PLBD1: variants seen among roughly 807,000 people sequenced by gnomAD.
The protein encoded by PLBD1 is lysosomal leucine aminopeptidase.
A neutral mutation model predicts 63.0 loss-of-function variants in PLBD1; 60 were observed. That is an observed-to-expected ratio of 0.95 (90% confidence interval 0.77 to 1.18). PLBD1 has a LOEUF of 1.18. Ranked by LOEUF, PLBD1 falls within the 50% of genes most tolerant of loss-of-function variation. The pLI is 0.00. For missense variants in PLBD1, 598 were observed against 677.9 expected (o/e 0.88, Z 1.31); for synonymous variants, 262 against 248.0 (o/e 1.06, Z -0.53).
chr12:14,514,833 A>T (rs1043078029), intron 6 of PLBD1, among the ~76,000 whole-genome samples: 2 of 151,582 alleles, frequency 1.3e-5, no homozygotes, highest in African/African-American at 4.9e-5. Flanking sequence ...TTGGCCTCCC[A>T]AAGTGCTGGG....
chr12:14,549,804 AT>A (rs1270756690), intron 2 of PLBD1, among the ~76,000 whole-genome samples: 1 of 152,044 alleles, frequency 6.6e-6, no homozygotes, highest in African/African-American at 2.4e-5. Context: ...AGTAGCTGGG[AT>A]TACAGATGCA....
intron 2 of PLBD1, among the ~76,000 whole-genome samples, chr12:14,547,265 G>A (rs1254781832): frequency 6.6e-6 from 1 of 151,514 alleles, no homozygotes; most frequent in Non-Finnish European, 1.5e-5. Flanking sequence ...CAAGGGGAGA[G>A]AAACCTCCAC....
At chr12:14,511,760 T>C (rs1262760010) in intron 6 of PLBD1, 49 bp from the exon 7 acceptor site, 1 of 1,522,460 alleles carries the variant, frequency 6.6e-7, no homozygotes, top group South Asian at 1.1e-5. Flanking sequence ...CATGGAACAG[T>C]GAACCATCAT....
At chr12:14,561,691 A>G (rs1945743085) in intron 1 of PLBD1, among the ~76,000 whole-genome samples, 1 of 152,152 alleles carries the variant, frequency 6.6e-6, no homozygotes, top group Admixed American at 6.5e-5. Flanking sequence ...AGTAGCTGGG[A>G]TCACAAGCGT....
chr12:14,507,209 T>C lies in PLBD1; in HGVS notation c.1187-91A>G, dbSNP rs191610338. On this transcript the variant is annotated intron_variant, in intron 8 of 10. Coordinates refer to ENST00000240617, the MANE Select transcript of PLBD1 (RefSeq NM_024829.6). ...GCAAAAGAAATGTTATCCATGTTCATTTATTTTGAAAATGGGCACAGGCAT... is the reference window on the plus strand; with the variant it reads ...GCAAAAGAAATGTTATCCATGTTCACTTATTTTGAAAATGGGCACAGGCAT... 59 of 1,033,018 alleles carry C rather than the reference T, an allele frequency of 5.7e-5. No homozygotes were observed. In the African/African-American group the frequency reaches 8.8e-4, roughly 15 times the overall value. 64.0% of individuals were successfully genotyped at this position (1,033,018 alleles called of 1,614,324 possible).
rs764333287 is a variant in PLBD1 at position 14,503,781 on chromosome 12, A to T, written c.1653T>A (p.Asp551Glu). 5 of 1,612,432 alleles carry T rather than the reference A, an allele frequency of 3.1e-6. No homozygotes were observed. The highest frequency in any genetic ancestry group is 4.2e-6 in the Non-Finnish European group (5 of 1,178,580). ...FITMKPILKLDIK is the reference protein window; with the variant it reads ...FITMKPILKLEIK The stretch of plus-strand genomic sequence containing the variant: ...CCGTCATCTCCCTCCTTCATTTTAT[A>T]TCAAGTTTCAAAATTGGTTTCATGG... Residue 551 changes from aspartate (D) to glutamate (E), a missense_variant, in exon 11 of 11, where the codon GAT (aspartate) becomes GAA (glutamate). By Grantham distance (45) the Asp-to-Glu change is conservative. Transcript: ENST00000240617.
intron 2 of PLBD1, among the ~76,000 whole-genome samples, chr12:14,552,861 T>C (rs1176623850): frequency 6.6e-6 from 1 of 152,184 alleles, no homozygotes; most frequent in Non-Finnish European, 1.5e-5. Context: ...GTACTGATTA[T>C]GGGAGCAAAT....
intron 1 of PLBD1, among the ~76,000 whole-genome samples, chr12:14,564,176 A>C (rs1387781248): frequency 6.6e-6 from 1 of 152,146 alleles, no homozygotes; most frequent in Non-Finnish European, 1.5e-5. Context: ...ATTGTACTCC[A>C]GCCTGGGTGA....
At chr12:14,554,306 G>C (rs950169248) in intron 1 of PLBD1, 1 of 151,978 alleles carries the variant, frequency 6.6e-6, no homozygotes, top group Non-Finnish European at 1.5e-5. Context: ...GTTCTATCTT[G>C]TATCCTCTCG....
chr12:14,550,305 C>T (rs73062605), intron 2 of PLBD1, among the ~76,000 whole-genome samples: 3,974 of 152,322 alleles, frequency 0.026, 73 homozygotes, highest in Middle Eastern at 0.068. Flanking sequence ...TGCCCCACTC[C>T]TGATCATTTG....
intron 2 of PLBD1, among the ~76,000 whole-genome samples, chr12:14,552,553 G>C (rs1429464400): frequency 6.6e-6 from 1 of 152,048 alleles, no homozygotes; most frequent in Non-Finnish European, 1.5e-5. Context: ...CCTCTCATTT[G>C]CTTTCTACCA....
At chr12:14,551,993 G>C (rs1274295800) in intron 2 of PLBD1, among the ~76,000 whole-genome samples, 1 of 152,052 alleles carries the variant, frequency 6.6e-6, no homozygotes, top group Non-Finnish European at 1.5e-5. Context: ...TAAAAAAATT[G>C]GGTATAAAAA....
At chr12:14,518,853 T>C (rs537763338) in intron 6 of PLBD1, among the ~76,000 whole-genome samples, 1 of 152,084 alleles carries the variant, frequency 6.6e-6, no homozygotes, top group Non-Finnish European at 1.5e-5. Context: ...TTACTTGGCC[T>C]GAAGGTTAGT....
At chr12:14,547,730 G>T (rs945867447) in intron 2 of PLBD1, among the ~76,000 whole-genome samples, 1 of 152,140 alleles carries the variant, frequency 6.6e-6, no homozygotes, top group Admixed American at 6.5e-5. Context: ...CTTTTTGCAT[G>T]ATGGCAATAA....
intron 1 of PLBD1, among the ~76,000 whole-genome samples, chr12:14,561,342 A>G (rs1945741089): frequency 6.6e-6 from 1 of 151,990 alleles, no homozygotes; most frequent in African/African-American, 2.4e-5. Context: ...CAAAAGCCCT[A>G]TCAGCTGAAA....
At chr12:14,515,431 G>C (rs114269854) in intron 6 of PLBD1, among the ~76,000 whole-genome samples, 2,831 of 151,818 alleles carry the variant, frequency 0.019, 59 homozygotes, top group African/African-American at 0.047. Flanking sequence ...GAAATTAAGT[G>C]CTGCAAAATC....
intron 1 of PLBD1, among the ~76,000 whole-genome samples, chr12:14,554,779 G>A (rs1285626659): frequency 1.3e-5 from 2 of 151,656 alleles, no homozygotes; most frequent in Non-Finnish European, 2.9e-5. Context: ...TTCCTTCCAC[G>A]GCCTTTGGGA....
Position 14,507,130 on chromosome 12 carries a change from T to C in PLBD1, c.1187-12A>G, listed in dbSNP as rs1363169959. ...GGAGGGCCAATATCCTGATTTGGAATGGAAGGGAAGTAAGGGAGGGATTGA... is the reference window on the plus strand; with the variant it reads ...GGAGGGCCAATATCCTGATTTGGAACGGAAGGGAAGTAAGGGAGGGATTGA... On this transcript the variant is annotated splice_polypyrimidine_tract_variant and intron_variant, in intron 8 of 10. Transcript: ENST00000240617. 4 of 1,578,860 alleles carry C rather than the reference T, an allele frequency of 2.5e-6. No individual in the cohort carries two copies. The highest frequency in any genetic ancestry group is 1.7e-5 in the Admixed American group (1 of 58,898).
intron 6 of PLBD1, among the ~76,000 whole-genome samples, chr12:14,516,609 C>G (rs1414518857): frequency 6.6e-6 from 1 of 152,068 alleles, no homozygotes; most frequent in Non-Finnish European, 1.5e-5. Context: ...GATAGCATAC[C>G]TGTATATAAT....
Sources: allele counts gnomAD v4.1 joint callset (sites outside exome capture counted in the v4.1 genomes callset), GRCh38; gene constraint gnomAD v4.1.1; transcripts MANE v1.5; gene names NCBI Gene and HGNC (gene_info 2026-07-23, HGNC 2026-07-21).